Variants in CKAP5 observed in about 807,000 individuals in gnomAD.
CKAP5 encodes the protein cytoskeleton associated protein 5.
A neutral mutation model predicts 232.8 loss-of-function variants in CKAP5; 27 were observed. The observed-to-expected ratio is 0.12, with a 90% confidence interval of 0.09 to 0.16. CKAP5 has a LOEUF of 0.16. CKAP5 is among the 10% of genes least tolerant of loss of function. The pLI is 1.00. For missense variants in CKAP5, 1,838 were observed against 2,424.7 expected, an observed-to-expected ratio of 0.76 and a Z score of 5.08; for synonymous variants, 785 against 841.1, an observed-to-expected ratio of 0.93 and a Z score of 1.16.
chr11:46,802,551 C>CAGAG (rs1156832407), intron 8 of CKAP5, among the ~76,000 whole-genome samples: 1 of 138,718 alleles, frequency 7.2e-6, no homozygotes, highest in Non-Finnish European at 1.5e-5. Flanking sequence ...GACAGACAGA[C>CAGAG]AGACAGACAC....
chr11:46,801,259 T>C lies in CKAP5; in HGVS notation c.1024A>G (p.Lys342Glu), dbSNP rs1565742766. The C allele has an allele frequency of 5.6e-6, 9 of 1,613,874 alleles. No individual in the cohort carries two copies. The highest frequency in any genetic ancestry group is 6.8e-6 in the Non-Finnish European group (8 of 1,179,774). Reference sequence around the variant, plus strand: ...CCAACAGCCAGGCCAGTAAGACATTTTGCTGCCAAAGCCACCAACATGACA... The same window carrying C: ...CCAACAGCCAGGCCAGTAAGACATTCTGCTGCCAAAGCCACCAACATGACA... ...TNVMLVALAA[K>E]CLTGLAVGLR... is the part of the protein sequence containing the mutation. The change falls in exon 9 of 44, where the codon AAA becomes GAA. Residue 342 changes from lysine to glutamate, a missense_variant. Around this residue, in one of 6 missense-constraint regions of CKAP5, gnomAD observed 97 missense variants for 167.7 expected, o/e 0.58. Coordinates refer to ENST00000529230, the MANE Select transcript of CKAP5 (RefSeq NM_001008938.4).
chr11:46,755,797 T>A (rs1408198621), intron 35 of CKAP5, among the ~76,000 whole-genome samples: 1 of 151,692 alleles, frequency 6.6e-6, no homozygotes, highest in Non-Finnish European at 1.5e-5. Flanking sequence ...GGCATGGTGG[T>A]AGGCACCTGT....
intron 20 of CKAP5, 37 bp downstream of exon 20, chr11:46,780,157 G>C: frequency 6.2e-7 from 1 of 1,609,566 alleles, no homozygotes. Context: ...AGATTCTCAA[G>C]TCCACTAACA....
intron 1 of CKAP5, among the ~76,000 whole-genome samples, chr11:46,837,708 G>C (rs931458760): frequency 2.6e-5 from 4 of 152,058 alleles, no homozygotes; most frequent in African/African-American, 7.2e-5. Flanking sequence ...AGGAATACAG[G>C]AAGCTCCCAA....
At chr11:46,836,160 G>A (rs1443479078) in intron 1 of CKAP5, among the ~76,000 whole-genome samples, 1 of 152,158 alleles carries the variant, frequency 6.6e-6, no homozygotes, top group Non-Finnish European at 1.5e-5. Flanking sequence ...CCCTGAATTG[G>A]ATCCTGAAAC....
chr11:46,744,264 T>G lies in CKAP5; in HGVS notation c.5858A>C (p.Gln1953Pro). ...RQRCGLDNTKQDDRPPLTSLL... is the reference protein window; with the variant it reads ...RQRCGLDNTKPDDRPPLTSLL... ...AGAGGTCAAAGGAGGTCGGTCATCT[T>G]GCTATTGAGAGAAGGAGAGAGATTG... The change falls in exon 44 of 44, where the codon CAA (glutamine) becomes CCA (proline). Residue 1953 changes from glutamine to proline, a missense_variant and splice_region_variant. This residue lies in a region of CKAP5 where 579 missense variants were observed against 843.2 expected (regional missense o/e 0.69). Transcript: ENST00000529230. 1 of 1,614,020 alleles carries G rather than the reference T, an allele frequency of 6.2e-7. No homozygotes were observed. Among genetic ancestry groups the G allele is most frequent in the Non-Finnish European group, 8.5e-7 (1 of 1,179,998 alleles).
chr11:46,805,211 G>C (rs1439208180), intron 8 of CKAP5, among the ~76,000 whole-genome samples: 1 of 151,922 alleles, frequency 6.6e-6, no homozygotes, highest in Non-Finnish European at 1.5e-5. Flanking sequence ...CTCCAGCCTG[G>C]GTGACAAAGC....
At chr11:46,758,469 A>G (rs1336284529) in intron 35 of CKAP5, among the ~76,000 whole-genome samples, 1 of 152,150 alleles carries the variant, frequency 6.6e-6, no homozygotes, top group Non-Finnish European at 1.5e-5. Context: ...AAGTTCCATG[A>G]GAGTTGGTCC....
At chr11:46,758,761 G>T in intron 35 of CKAP5, 162 bp downstream of exon 35, 1 of 702,174 alleles carries the variant, frequency 1.4e-6, no homozygotes, top group Non-Finnish European at 2.3e-6. Flanking sequence ...CATCCTCTGA[G>T]GCAAGTGATG....
chr11:46,837,792 T>C (rs1166624841), intron 1 of CKAP5, among the ~76,000 whole-genome samples: 1 of 152,082 alleles, frequency 6.6e-6, no homozygotes. Context: ...AAAATAAATA[T>C]ACTTGAGTCC....
intron 24 of CKAP5, among the ~76,000 whole-genome samples, chr11:46,772,017 T>C (rs2065251238): frequency 6.9e-6 from 1 of 145,586 alleles, no homozygotes. Flanking sequence ...CCCTGGTTGC[T>C]AATAACACTG....
intron 4 of CKAP5, 106 bp downstream of exon 4, chr11:46,816,092 A>G (rs565562783): frequency 4.5e-6 from 4 of 883,560 alleles, no homozygotes; most frequent in South Asian, 1.6e-5. Flanking sequence ...CATCCCCCCA[A>G]CACACAATTC....
At chr11:46,771,721 T>C (rs1260817972) in intron 24 of CKAP5, among the ~76,000 whole-genome samples, 1 of 152,262 alleles carries the variant, frequency 6.6e-6, no homozygotes, top group African/African-American at 2.4e-5. Flanking sequence ...GCTACTATGA[T>C]TGAAGTTGTT....
At chr11:46,780,718 G>A (rs1033334206) in intron 18 of CKAP5, among the ~76,000 whole-genome samples, 1 of 152,084 alleles carries the variant, frequency 6.6e-6, no homozygotes, top group African/African-American at 2.4e-5. Context: ...TGGTTCAAGC[G>A]ATTCTCATGC....
chr11:46,777,695 C>T (rs979195764), intron 22 of CKAP5, 143 bp from the exon 23 acceptor site: 7 of 586,444 alleles, frequency 1.2e-5, no homozygotes, highest in African/African-American at 7.5e-5. Flanking sequence ...TCATGCTATT[C>T]GACTTAGATT....
In CKAP5 at chr11:46,763,040, C is replaced by T. The variant is rs1405647595; in HGVS notation, c.3827G>A (p.Ser1276Asn). The T allele has an allele frequency of 6.8e-6, 11 of 1,613,856 alleles. 1 individual carries two copies. The South Asian group carries it at 1.2e-4, about 18-fold the overall frequency. ...EYLKLLFTLL[S>N]EEEYHLTENE... is the part of the protein sequence containing the mutation. ...CTCAGTAAGATGATATTCTTCTTCA[C>T]TTAGCAAGGTGAAGAGCAATTTTAA... Residue 1276 changes from serine (S) to asparagine (N), a missense_variant, in exon 30 of 44, where the codon AGT (serine) becomes AAT (asparagine). This residue lies in a region of CKAP5 where 48 missense variants were observed against 98.1 expected (regional missense o/e 0.49). Transcript: ENST00000529230.
At chr11:46,745,786 T>G (rs1021223935) in intron 42 of CKAP5, among the ~76,000 whole-genome samples, 1 of 151,528 alleles carries the variant, frequency 6.6e-6, no homozygotes, top group African/African-American at 2.4e-5. Context: ...GAAACCCTCT[T>G]AAAAAAAATT....
chr11:46,818,395 AT>A lies in CKAP5; in HGVS notation c.165del (p.Lys55AsnfsTer12). On this transcript the variant is annotated frameshift_variant, in exon 3 of 44. Coordinates refer to ENST00000529230, the MANE Select transcript of CKAP5 (RefSeq NM_001008938.4). LOFTEE classifies it high-confidence loss of function. Reference sequence around the variant, plus strand: ...ACCACTGCATTGGAATCAGTGACAAATTTTTTGATCAATCCTAAAAATTTGG... The same window carrying A: ...ACCACTGCATTGGAATCAGTGACAAATTTTTGATCAATCCTAAAAATTTGG... ...EWSKFLGLIK[K>X]FVTDSNAVVQ... The A allele has an allele frequency of 1.2e-6, 2 of 1,612,144 alleles. No homozygotes were observed. Among genetic ancestry groups the A allele is most frequent in the Non-Finnish European group, 1.7e-6 (2 of 1,179,294 alleles).
In CKAP5 at chr11:46,821,178, G is replaced by A. The variant is rs375816037; in HGVS notation, c.54C>T (p.His18=). Residue 18 remains histidine (H), a synonymous_variant, in exon 2 of 44, where the codon CAC becomes CAT. Transcript: ENST00000529230. ...LKLPVDQKCE[H]KLWKARLSGY... ...TCGAATTCCAGAAGAATCTTACCTTGTGTTCACATTTCTGATCAACTGGCA... is the reference window on the plus strand; with the variant it reads ...TCGAATTCCAGAAGAATCTTACCTTATGTTCACATTTCTGATCAACTGGCA... 1.9e-6 allele frequency: 3 copies of A among 1,610,344 alleles called. No individual in the cohort carries two copies. The highest frequency in any genetic ancestry group is 2.2e-5 in the East Asian group (1 of 44,832).
Sources: allele counts gnomAD v4.1 joint callset (sites outside exome capture counted in the v4.1 genomes callset), GRCh38; gene constraint gnomAD v4.1.1; regional missense constraint gnomAD v4.1.1; transcripts MANE v1.5; gene names NCBI Gene and HGNC (gene_info 2026-07-23, HGNC 2026-07-21).